SERPINE2: variants seen among roughly 807,000 people sequenced by gnomAD.
The protein encoded by SERPINE2 is glia-derived nexin.
SERPINE2 carries 14 observed loss-of-function variants against 36.3 expected under a neutral mutation model. The ratio of observed to expected loss-of-function variants is 0.39; its 90% CI spans 0.25 to 0.60. The LOEUF (loss-of-function observed/expected upper bound fraction) is 0.60, where lower values mean the gene tolerates loss of function less well. Among genes scored for constraint, SERPINE2 ranks in the 20% least tolerant of loss-of-function variants. The probability of loss-of-function intolerance (pLI) is 0.57; values close to 1 mark genes in which losing one functional copy is unlikely to be tolerated. For synonymous variants in SERPINE2, 192 were observed against 191.8 expected, an observed-to-expected ratio of 1.00 and a Z score of -0.01; for missense variants, 418 against 499.6, an observed-to-expected ratio of 0.84 and a Z score of 1.56.
intron 1 of SERPINE2, among the ~76,000 whole-genome samples, chr2:224,017,480 T>C (rs993374641): frequency 2.0e-5 from 3 of 152,170 alleles, no homozygotes; most frequent in African/African-American, 7.2e-5. Context: ...AGTTTTAGGG[T>C]GCTTGCATAA....
rs374207542 is a variant in SERPINE2, at chr2:224,016,334, T to C, written c.-22-14412A>G. 1.2e-4 allele frequency among the ~76,000 whole-genome samples: 19 copies of C among 152,292 alleles called. No individual in the cohort carries two copies. The East Asian group carries it at 2.3e-3, about 19-fold the overall frequency. On this transcript the variant is annotated intron_variant, in intron 1 of 8. Transcript: ENST00000409304. ...CAGCCTCACTAACATGGTGAAACCC[T>C]GTCTCTACTAAAAATATAAAAATTA...
chr2:224,022,609 T>C (rs909417800), intron 1 of SERPINE2, among the ~76,000 whole-genome samples: 1 of 152,190 alleles, frequency 6.6e-6, no homozygotes, highest in African/African-American at 2.4e-5. Context: ...AGGGACCTAG[T>C]ATGTGAAACT....
intron 1 of SERPINE2, among the ~76,000 whole-genome samples, chr2:224,022,532 G>T (rs547364742): frequency 6.6e-6 from 1 of 152,080 alleles, no homozygotes; most frequent in Non-Finnish European, 1.5e-5. Flanking sequence ...GTCACCAGGG[G>T]CTATTCTCTT....
intron 1 of SERPINE2, among the ~76,000 whole-genome samples, chr2:224,008,953 C>T (rs72974453): frequency 9.1e-4 from 138 of 152,318 alleles, no homozygotes; most frequent in Admixed American, 1.9e-3. Flanking sequence ...ACGGGTTTGC[C>T]TCCCATGGCC....
intron 4 of SERPINE2, among the ~76,000 whole-genome samples, chr2:223,989,643 T>C (rs1488669990): frequency 6.6e-6 from 1 of 152,202 alleles, no homozygotes; most frequent in Admixed American, 6.5e-5. Context: ...TCTCATGCCC[T>C]GCTGCATGGC....
chr2:224,038,371 A>G (rs1321195144), intron 1 of SERPINE2: 2 of 800,054 alleles, frequency 2.5e-6, no homozygotes, highest in Non-Finnish European at 4.3e-6. Flanking sequence ...CATCTTCCAT[A>G]ATACCTGAAG....
In SERPINE2 at chr2:223,991,807, C is replaced by A; in HGVS notation, c.681G>T (p.Arg227=). 2 of 1,613,810 alleles carry A rather than the reference C, an allele frequency of 1.2e-6. No homozygotes were observed. Among genetic ancestry groups the A allele is most frequent in the Non-Finnish European group, 1.7e-6 (2 of 1,180,030 alleles). The change falls in exon 4 of 9, where the codon CGG becomes CGT. Residue 227 remains arginine, a synonymous_variant. Coordinates refer to ENST00000409304, the MANE Select transcript of SERPINE2 (RefSeq NM_001136528.2). ...CTTCGCTGAGCATGAACTCACCACACCGGAACACGGAGAGCTGGGCCAGCA... is the reference window on the plus strand; with the variant it reads ...CTTCGCTGAGCATGAACTCACCACAACGGAACACGGAGAGCTGGGCCAGCA... The part of the protein sequence containing the change: ...VPMLAQLSVF[R]CGSTSAPNDL...
chr2:224,011,838 A>C (rs146237685), intron 1 of SERPINE2, among the ~76,000 whole-genome samples: 1 of 152,378 alleles, frequency 6.6e-6, no homozygotes, highest in African/African-American at 2.4e-5. Context: ...TCTCTGCAAT[A>C]AATAATTGCA....
At chr2:224,032,995 A>C (rs1330752047) in intron 1 of SERPINE2, among the ~76,000 whole-genome samples, 2 of 152,216 alleles carry the variant, frequency 1.3e-5, no homozygotes, top group African/African-American at 4.8e-5. Flanking sequence ...GGGAGGTGGT[A>C]TTTCTCAAAA....
At chr2:224,015,180 G>T (rs1273688562) in intron 1 of SERPINE2, among the ~76,000 whole-genome samples, 2 of 152,218 alleles carry the variant, frequency 1.3e-5, no homozygotes, top group Admixed American at 1.3e-4. Flanking sequence ...GTAGTGCCAA[G>T]GTTGGGGAAG....
intron 1 of SERPINE2, among the ~76,000 whole-genome samples, chr2:224,021,784 G>A (rs1692010362): frequency 1.3e-5 from 2 of 152,204 alleles, no homozygotes; most frequent in East Asian, 1.9e-4. Flanking sequence ...CCAACTTTAA[G>A]AGGCCAAGGT....
Position 223,975,947 on chromosome 2 carries a change from T to C in SERPINE2, c.1157-43A>G, listed in dbSNP as rs1272583155. On this transcript the variant is annotated intron_variant, in intron 8 of 8. Coordinates refer to ENST00000409304, the MANE Select transcript of SERPINE2 (RefSeq NM_001136528.2). ...AACAATGCATGACTCTGTAAATTAA[T>C]AATCCTTAAAATAAGATGGAAGGTA... 3 of 1,538,068 alleles carry C rather than the reference T, an allele frequency of 2.0e-6. No individual in the cohort carries two copies. In the East Asian group the frequency reaches 6.8e-5, roughly 35 times the overall value.
chr2:224,033,962 A>C (rs1238942718), intron 1 of SERPINE2, among the ~76,000 whole-genome samples: 1 of 152,240 alleles, frequency 6.6e-6, no homozygotes, highest in Admixed American at 6.5e-5. Flanking sequence ...TAAATTTGCT[A>C]GTACCAAAAT....
chr2:223,991,664 TG>T, intron 4 of SERPINE2, 138 bp downstream of exon 4: 1 of 830,012 alleles, frequency 1.2e-6, no homozygotes, highest in Non-Finnish European at 1.9e-6. Context: ...ATAAAAATCC[TG>T]CCTCTCAGCA....
Position 223,982,398 on chromosome 2 carries a change from G to A in SERPINE2, c.985+283C>T, listed in dbSNP as rs959097197. The A allele has an allele frequency of 5.0e-5, 14 of 277,904 alleles. No individual in the cohort carries two copies. The East Asian group carries it at 1.2e-3, about 24-fold the overall frequency. The allele number at this position is 277,904 out of a possible 1,614,324, so 17.2% of individuals were successfully genotyped here. ...AACGTATACTACTCGGGGGAGGGGT[G>A]TACTAAAATCTCAGACTTCATCGCT... On this transcript the variant is annotated intron_variant, in intron 6 of 8. Coordinates refer to ENST00000409304, the MANE Select transcript of SERPINE2 (RefSeq NM_001136528.2).
intron 1 of SERPINE2, chr2:224,030,010 G>A (rs769816550): frequency 2.1e-6 from 2 of 973,098 alleles, no homozygotes; most frequent in Non-Finnish European, 2.4e-6. Flanking sequence ...GCCCTGCATA[G>A]ACATTTATTC....
chr2:224,027,514 T>C (rs1692225143), intron 1 of SERPINE2, among the ~76,000 whole-genome samples: 1 of 152,172 alleles, frequency 6.6e-6, no homozygotes. Flanking sequence ...TGGTATCAAC[T>C]CATTTTGGCA....
Position 223,992,115 on chromosome 2 carries a change from G to A in SERPINE2, c.488-115C>T, listed in dbSNP as rs1019639955. ...AAAAATCAAAGGATTTTTAAGGAGT[G>A]TTAAAGAGAATCTTCTTAAACTACC... On this transcript the variant is annotated intron_variant, in intron 3 of 8. Transcript: ENST00000409304. 4.6e-6 allele frequency: 4 copies of A among 867,424 alleles called. No individual in the cohort carries two copies. In the Admixed American group the frequency reaches 6.6e-5, roughly 14 times the overall value. 53.7% of individuals were successfully genotyped at this position (867,424 alleles called of 1,614,324 possible).
chr2:224,021,431 A>G (rs908894478), intron 1 of SERPINE2, among the ~76,000 whole-genome samples: 1 of 152,216 alleles, frequency 6.6e-6, no homozygotes, highest in Non-Finnish European at 1.5e-5. Context: ...TTCAAAGATG[A>G]AGGGAAGACA....
Sources: gnomAD v4.1 joint callset for allele counts (sites outside exome capture counted in the v4.1 genomes callset) on GRCh38, gnomAD v4.1.1 for gene constraint, MANE v1.5 for transcripts, NCBI Gene and HGNC (gene_info 2026-07-23, HGNC 2026-07-21) for gene names.